VANGL1: variants seen among roughly 807,000 people sequenced by gnomAD.
The protein encoded by VANGL1 is vang-like protein 1.
In VANGL1, 18 loss-of-function variants were observed where a neutral mutation model predicts 48.4. The ratio of observed to expected loss-of-function variants is 0.37; its 90% CI spans 0.26 to 0.55. VANGL1 has a LOEUF of 0.55. Ranked by LOEUF, VANGL1 falls within the 20% of genes least tolerant of loss-of-function variation. The pLI is 0.81. For synonymous variants in VANGL1, 257 were observed against 261.8 expected (o/e 0.98, Z 0.18); for missense variants, 667 against 675.8 (o/e 0.99, Z 0.14).
At chr1:115,669,536 C>T (rs1652901259) in intron 4 of VANGL1, among the ~76,000 whole-genome samples, 1 of 152,088 alleles carries the variant, frequency 6.6e-6, no homozygotes, top group South Asian at 2.1e-4. Context: ...GGGCGATTTC[C>T]CCCATACTGT....
chr1:115,661,606 G>GT (rs767605838), intron 3 of VANGL1, among the ~76,000 whole-genome samples: 186 of 151,714 alleles, frequency 1.2e-3, no homozygotes, highest in Middle Eastern at 3.4e-3. Flanking sequence ...GGACATTTGG[G>GT]TTTTTTTTGT....
rs1653764265 is a variant in VANGL1 at position 115,689,748 on chromosome 1, G to A, written c.1315-1371G>A. ...AGGCAGGCAGATCACTAATGGCCAGGAGTTCAAGACCAGCCTGGCCAACAT... is the reference window on the plus strand; with the variant it reads ...AGGCAGGCAGATCACTAATGGCCAGAAGTTCAAGACCAGCCTGGCCAACAT... On this transcript the variant is annotated intron_variant, in intron 7 of 7. Transcript: ENST00000355485. Among the ~76,000 whole-genome samples, 2 of 138,032 alleles carry A rather than the reference G, an allele frequency of 1.4e-5. 1 individual carries two copies. Among genetic ancestry groups the A allele is most frequent in the Non-Finnish European group, 3.2e-5 (2 of 63,240 alleles). The allele number at this position is 138,032 out of a possible 152,430, so 90.6% of individuals were successfully genotyped here.
intron 4 of VANGL1, among the ~76,000 whole-genome samples, chr1:115,679,930 C>A (rs1377300032): frequency 2.6e-5 from 4 of 150,978 alleles, no homozygotes; most frequent in African/African-American, 9.8e-5. Flanking sequence ...AAAGCCCAGG[C>A]ACTCCAGAAA....
At chr1:115,677,178 T>C (rs1452996513) in intron 4 of VANGL1, among the ~76,000 whole-genome samples, 1 of 152,254 alleles carries the variant, frequency 6.6e-6, no homozygotes, top group Non-Finnish European at 1.5e-5. Context: ...TTAAAAAATA[T>C]GTCTTTCAGA....
rs760075787 is a variant in VANGL1 at position 115,691,362 on chromosome 1, T to A, written c.1558T>A (p.Ser520Thr). The A allele has an allele frequency of 6.2e-7, 1 of 1,614,028 alleles. No homozygotes were observed. Among genetic ancestry groups the A allele is most frequent in the Non-Finnish European group, 8.5e-7 (1 of 1,180,012 alleles). The change falls in exon 8 of 8, where the codon TCT (serine) becomes ACT (threonine). Residue 520 changes from serine (S) to threonine (T), a missense_variant. Transcript: ENST00000355485. The part of the protein sequence containing the change: ...KSHKFVLRLQ[S>T]ETSV ...TCACAAATTTGTCCTTCGCTTACAG[T>A]CTGAGACATCCGTTTAAAAGTTCTA...
chr1:115,671,385 C>T (rs1233565423), intron 4 of VANGL1: 4 of 152,482 alleles, frequency 2.6e-5, no homozygotes, highest in East Asian at 3.9e-4. Context: ...AAAGCCGCCA[C>T]TCAACTCTGC....
At chr1:115,685,628 G>C in intron 7 of VANGL1, 101 bp downstream of exon 7, 2 of 1,208,254 alleles carry the variant, frequency 1.7e-6, no homozygotes, top group Admixed American at 3.9e-5. Context: ...AAATCGAAAG[G>C]CATCTCTAAA....
Position 115,663,817 on chromosome 1 carries a change from C to T in VANGL1, c.361C>T (p.Leu121Phe). The T allele has an allele frequency of 6.2e-7, 1 of 1,614,206 alleles. No homozygotes were observed. The highest frequency in any genetic ancestry group is 8.5e-7 in the Non-Finnish European group (1 of 1,180,036). The change falls in exon 4 of 8, where the codon CTT becomes TTT. Residue 121 changes from leucine to phenylalanine, a missense_variant. Coordinates refer to ENST00000355485, the MANE Select transcript of VANGL1 (RefSeq NM_138959.3). Reference protein sequence around the residue: ...LGLTVASFLGLLVFLTPIAFI... With the variant: ...LGLTVASFLGFLVFLTPIAFI... ...CCTCACCGTCGCCTCTTTTCTTGGA[C>T]TTCTAGTTTTCCTCACCCCTATTGC... is the stretch of plus-strand genomic sequence containing the variant.
chr1:115,651,891 A>G (rs976525816), intron 2 of VANGL1, among the ~76,000 whole-genome samples: 7 of 151,872 alleles, frequency 4.6e-5, no homozygotes, highest in African/African-American at 7.3e-5. Context: ...CGAGTAGCTG[A>G]GACTACAGGC....
rs780408199 is a variant in VANGL1 at position 115,666,329 on chromosome 1, G to A, written c.812+2061G>A. 3.2e-4 allele frequency among the ~76,000 whole-genome samples: 48 copies of A among 152,166 alleles called. 1 individual carries two copies. Among genetic ancestry groups the A allele is most frequent in the Non-Finnish European group, 5.0e-4 (34 of 68,030 alleles). The stretch of plus-strand genomic sequence containing the variant: ...GCTCCCACATCGCTCCTCCCTGTAC[G>A]ACTGGTTGAGCTGCACACTGCATCT... On this transcript the variant is annotated intron_variant, in intron 4 of 7. Coordinates refer to ENST00000355485, the MANE Select transcript of VANGL1 (RefSeq NM_138959.3).
chr1:115,659,505 CTGTGTGTGTGTGTGTGTGTG>C lies in VANGL1; in HGVS notation c.72-120_72-101del. ...GTGAAGATGGGTGGGTTTTGATGCT[CTGTGTGTGTGTGTGTGTGTG>C]TGTGTGTGTGTGTGTATGTAGAATT... On this transcript the variant is annotated intron_variant, in intron 2 of 7. Coordinates refer to ENST00000355485, the MANE Select transcript of VANGL1 (RefSeq NM_138959.3). 6.3e-6 allele frequency: 6 copies of C among 957,998 alleles called. 1 individual carries two copies. The highest frequency in any genetic ancestry group is 1.8e-5 in the Admixed American group (1 of 54,316). 59.3% of individuals were successfully genotyped at this position (957,998 alleles called of 1,614,324 possible).
At chr1:115,648,972 A>G (rs1652037768) in intron 1 of VANGL1, among the ~76,000 whole-genome samples, 1 of 152,184 alleles carries the variant, frequency 6.6e-6, no homozygotes, top group African/African-American at 2.4e-5. Context: ...GAATCTGCAG[A>G]TCAGCAGAGG....
intron 1 of VANGL1, among the ~76,000 whole-genome samples, chr1:115,644,551 C>A (rs2101286847): frequency 6.6e-6 from 1 of 152,268 alleles, no homozygotes; most frequent in South Asian, 2.1e-4. Context: ...TTGATGTTAG[C>A]AGTATTGAAG....
At chr1:115,688,791 T>TC (rs1217996143) in intron 7 of VANGL1, among the ~76,000 whole-genome samples, 1 of 130,692 alleles carries the variant, frequency 7.7e-6, no homozygotes, top group Non-Finnish European at 1.6e-5. Context: ...TATTTCTTCT[T>TC]TTTTTTTTTT....
At chr1:115,650,275 A>G (rs1652092298) in intron 1 of VANGL1, among the ~76,000 whole-genome samples, 1 of 152,130 alleles carries the variant, frequency 6.6e-6, no homozygotes, top group Admixed American at 6.5e-5. Context: ...CGGCTGGAAG[A>G]AGGAACCCTG....
At position 115,651,448 on chromosome 1, in the gene VANGL1, A is replaced by C. The variant is rs1442524948; in HGVS notation, c.35A>C (p.Tyr12Ser). The change falls in exon 2 of 8, where the codon TAC (tyrosine) becomes TCC (serine). Residue 12 changes from tyrosine (Y) to serine (S), a missense_variant. Physicochemically the swap from Tyr to Ser is moderately radical, Grantham distance 144 (BLOSUM62 -2). Transcript: ENST00000355485. ...DTESTYSGYS[Y>S]YSSHSKKSHR... is the part of the protein sequence containing the mutation. Reference sequence around the variant, plus strand: ...GAATCCACTTATTCTGGATATTCTTACTATTCAAGTCATTCGAAAAAATCT... The same window carrying C: ...GAATCCACTTATTCTGGATATTCTTCCTATTCAAGTCATTCGAAAAAATCT... The C allele has an allele frequency of 6.8e-6, 11 of 1,613,962 alleles. No homozygotes were observed. The highest frequency in any genetic ancestry group is 4.2e-6 in the Non-Finnish European group (5 of 1,180,012).
chr1:115,668,290 C>T lies in VANGL1; in HGVS notation c.812+4022C>T, dbSNP rs150203325. On this transcript the variant is annotated intron_variant, in intron 4 of 7. Transcript: ENST00000355485. ...CATTTTTTGAGTGTTTCCCATGTGCCAGCCTCGGTGCCAGATATTTTTGTA... is the reference window on the plus strand; with the variant it reads ...CATTTTTTGAGTGTTTCCCATGTGCTAGCCTCGGTGCCAGATATTTTTGTA... Among the ~76,000 whole-genome samples, 390 of 152,298 alleles carry T rather than the reference C, an allele frequency of 2.6e-3. 4 individuals carry two copies. The highest frequency in any genetic ancestry group is 8.5e-3 in the African/African-American group (355 of 41,558).
At chr1:115,643,112 C>G (rs1369610548) in intron 1 of VANGL1, among the ~76,000 whole-genome samples, 1 of 151,312 alleles carries the variant, frequency 6.6e-6, no homozygotes, top group Non-Finnish European at 1.5e-5. Context: ...GTAGATGGCC[C>G]ATGCATTTTG....
intron 3 of VANGL1, 142 bp downstream of exon 3, chr1:115,659,915 T>A: frequency 8.2e-7 from 1 of 1,216,998 alleles, no homozygotes; most frequent in East Asian, 2.5e-5. Flanking sequence ...TGGTCTCTTG[T>A]TGGTCTAAGG....
Sources: allele counts gnomAD v4.1 joint callset (sites outside exome capture counted in the v4.1 genomes callset), GRCh38; gene constraint gnomAD v4.1.1; transcripts MANE v1.5; gene names NCBI Gene and HGNC (gene_info 2026-07-23, HGNC 2026-07-21).